Variants in STPG1 observed in about 807,000 individuals in gnomAD.
STPG1 encodes O(6)-methylguanine-induced apoptosis 2.
A neutral mutation model predicts 40.1 loss-of-function variants in STPG1; 33 were observed. The ratio of observed to expected loss-of-function variants is 0.82; its 90% confidence interval spans 0.62 to 1.10. STPG1 has a LOEUF of 1.10. STPG1 is among the 50% of genes least tolerant of loss of function. STPG1 has a pLI of 0.00. For missense variants in STPG1, 396 were observed against 415.1 expected, an observed-to-expected ratio of 0.95 and a Z score of 0.40; for synonymous variants, 150 against 155.0, an observed-to-expected ratio of 0.97 and a Z score of 0.24.
chr1:24,389,180 G>A (rs759070392), intron 3 of STPG1, among the ~76,000 whole-genome samples: 11 of 152,142 alleles, frequency 7.2e-5, no homozygotes, highest in Admixed American at 2.6e-4. Flanking sequence ...AGTCAAAAAC[G>A]TTCTGAGAAG....
intron 7 of STPG1, chr1:24,369,127 C>G (rs1641606603): frequency 5.9e-6 from 2 of 340,210 alleles, no homozygotes; most frequent in Admixed American, 4.4e-5. Flanking sequence ...AGCATAAAAA[C>G]AGCAGAGCTG....
intron 1 of STPG1, chr1:24,410,837 A>C (rs1472302801): frequency 6.6e-6 from 1 of 152,210 alleles, no homozygotes; most frequent in Non-Finnish European, 1.5e-5. Context: ...AGCAGTGAAG[A>C]TATACCACTT....
At position 24,399,884 on chromosome 1, in the gene STPG1, G is replaced by A. The variant is rs1333612467; in HGVS notation, c.70+1435C>T. The stretch of plus-strand genomic sequence containing the variant: ...ACTATTATGAGCTTAAAATGTTGGT[G>A]AGGATTTGGAGCAGCTGGAATTCAC... On this transcript the variant is annotated intron_variant, in intron 2 of 8. Coordinates refer to ENST00000337248, the MANE Select transcript of STPG1 (RefSeq NM_001199013.2). This position sits in a 1 kb window ranked among gnomAD's most constrained non-coding sequence, Gnocchi z 4.0. Among the ~76,000 whole-genome samples the A allele has an allele frequency of 6.6e-6, 1 of 152,196 alleles. No individual in the cohort carries two copies. Among genetic ancestry groups the A allele is most frequent in the Non-Finnish European group, 1.5e-5 (1 of 68,030 alleles).
rs752440414 is a variant in STPG1, at chr1:24,359,208, G to A, written c.929-589C>T. 7.2e-5 allele frequency among the ~76,000 whole-genome samples: 11 copies of A among 152,204 alleles called. No individual in the cohort carries two copies. The highest frequency in any genetic ancestry group is 1.2e-4 in the Non-Finnish European group (8 of 68,034). ...AGCAGGCAGATGCCGGCACGTGCAC[G>A]TGCCCAGGAAACCCCTCGCAGAAGC... On this transcript the variant is annotated intron_variant, in intron 8 of 8. Transcript: ENST00000337248. The surrounding 1 kb of genome is among the most constrained non-coding windows in gnomAD (Gnocchi z 5.3).
At position 24,358,200 on chromosome 1, in the gene STPG1, T is replaced by G; in HGVS notation, c.*343A>C. 1 of 537,702 alleles carries G rather than the reference T, an allele frequency of 1.9e-6. No homozygotes were observed. The highest frequency in any genetic ancestry group is 1.5e-5 in the South Asian group (1 of 65,298). The allele number at this position is 537,702 out of a possible 1,614,324, so 33.3% of individuals were successfully genotyped here. A position where few individuals can be genotyped will look rare whatever the true frequency, so the allele number is the denominator to read the frequency against. On this transcript the variant is annotated 3_prime_UTR_variant, in exon 9 of 9. Coordinates refer to ENST00000337248, the MANE Select transcript of STPG1 (RefSeq NM_001199013.2). ...GGGTGGACTGATCCTCCTTGAAGTC[T>G]GCGCTTCAGGAGTCCCTTCAGTCTG... is the stretch of plus-strand genomic sequence containing the variant.
chr1:24,399,954 A>G lies in STPG1; in HGVS notation c.70+1365T>C, dbSNP rs991621596. Among the ~76,000 whole-genome samples the G allele has an allele frequency of 6.6e-6, 1 of 152,212 alleles. No homozygotes were observed. Among genetic ancestry groups the G allele is most frequent in the African/African-American group, 2.4e-5 (1 of 41,464 alleles). ...GTAAAATTGGCACAGCTACTTTGGA[A>G]AACTGTTTGGCAATATCAACTAAGC... On this transcript the variant is annotated intron_variant, in intron 2 of 8. Transcript: ENST00000337248. This position sits in a 1 kb window ranked among gnomAD's most constrained non-coding sequence, Gnocchi z 4.0.
intron 7 of STPG1, chr1:24,364,469 C>T: frequency 7.1e-7 from 1 of 1,400,868 alleles, no homozygotes; most frequent in Non-Finnish European, 9.3e-7. Context: ...CTGGCTATTA[C>T]TTTGCATTTA....
At chr1:24,381,794 TAA>T (rs1418570502) in intron 4 of STPG1, among the ~76,000 whole-genome samples, 5 of 152,170 alleles carry the variant, frequency 3.3e-5, no homozygotes, top group Non-Finnish European at 5.9e-5. Flanking sequence ...TAATTCCCTC[TAA>T]GTCTTGGGAT....
At chr1:24,378,764 A>G (rs1278918879) in intron 5 of STPG1, among the ~76,000 whole-genome samples, 3 of 152,266 alleles carry the variant, frequency 2.0e-5, no homozygotes, top group African/African-American at 2.4e-5. Context: ...GGAAAATGGC[A>G]TAACATTAAT....
chr1:24,391,536 A>C, intron 3 of STPG1, 25 bp downstream of exon 3: 1 of 1,400,444 alleles, frequency 7.1e-7, no homozygotes, highest in Non-Finnish European at 9.9e-7. Context: ...CTAAAACGAA[A>C]GAACCCCTGA....
intron 2 of STPG1, 69 bp downstream of exon 2, chr1:24,401,250 A>G: frequency 7.0e-7 from 1 of 1,422,506 alleles, no homozygotes; most frequent in Non-Finnish European, 9.9e-7. Context: ...TATTCCCCCC[A>G]AATTTGCTCT....
At chr1:24,377,340 C>A (rs1324975549) in intron 5 of STPG1, among the ~76,000 whole-genome samples, 1 of 152,160 alleles carries the variant, frequency 6.6e-6, no homozygotes, top group Non-Finnish European at 1.5e-5. Context: ...TGTGAACTTC[C>A]TCCTGGGATC....
At chr1:24,363,256 T>C (rs1641239116) in intron 7 of STPG1, among the ~76,000 whole-genome samples, 1 of 152,192 alleles carries the variant, frequency 6.6e-6, no homozygotes, top group South Asian at 2.1e-4. Context: ...AGGTTTCTTG[T>C]CTTCCACTCC....
intron 7 of STPG1, among the ~76,000 whole-genome samples, chr1:24,368,390 G>A (rs1641570937): frequency 2.6e-5 from 4 of 152,124 alleles, no homozygotes; most frequent in Admixed American, 2.6e-4. Context: ...GATCTCTCTG[G>A]AGGGGCCCAA....
At chr1:24,395,378 TAAATATGTGGGTAAATAGA>T (rs376699971) in intron 2 of STPG1, among the ~76,000 whole-genome samples, 2,772 of 150,586 alleles carry the variant, frequency 0.018, 58 homozygotes, top group Non-Finnish European at 0.025. Context: ...CTGGAAATAG[TAAATATGTGGGTAAATAGA>T]AAATATAAAA....
chr1:24,391,295 G>A (rs1274617009), intron 3 of STPG1: 2 of 253,730 alleles, frequency 7.9e-6, no homozygotes, highest in African/African-American at 2.2e-5. Context: ...AAAATATATT[G>A]TTTTCTTAAA....
chr1:24,402,298 C>T (rs549312582), intron 1 of STPG1, among the ~76,000 whole-genome samples: 1 of 152,264 alleles, frequency 6.6e-6, no homozygotes, highest in East Asian at 1.9e-4. Flanking sequence ...TAGATCAGTA[C>T]TTTGTTCCAG....
At chr1:24,400,272 G>C (rs1643169059) in intron 2 of STPG1, among the ~76,000 whole-genome samples, 1 of 152,204 alleles carries the variant, frequency 6.6e-6, no homozygotes, top group African/African-American at 2.4e-5. Flanking sequence ...CATATTGTAT[G>C]ATTCACATTT....
At chr1:24,413,269 T>C (rs937988222) in intron 1 of STPG1, among the ~76,000 whole-genome samples, 3 of 152,200 alleles carry the variant, frequency 2.0e-5, no homozygotes, top group African/African-American at 7.2e-5. Context: ...AGGGAAGTCG[T>C]TTGCTGGGGG....
Sources: allele counts gnomAD v4.1 joint callset (sites outside exome capture counted in the v4.1 genomes callset), GRCh38; gene constraint gnomAD v4.1.1; non-coding constraint Gnocchi (gnomAD v3.1); transcripts MANE v1.5; gene names NCBI Gene and HGNC (gene_info 2026-07-23, HGNC 2026-07-21).